The following SPATA17 variants were observed in gnomAD, a reference collection of about 807,000 sequenced individuals.
The protein encoded by SPATA17 is spermatogenesis-associated protein 17.
A neutral mutation model predicts 62.2 loss-of-function variants in SPATA17; 53 were observed. That is an observed-to-expected ratio of 0.85 (90% CI 0.68 to 1.07). SPATA17 has a LOEUF of 1.07. SPATA17 is among the 50% of genes least tolerant of loss of function. The pLI, the probability that SPATA17 is intolerant of heterozygous loss-of-function variation, is 0.00. For synonymous variants in SPATA17, 146 were observed against 146.8 expected (o/e 0.99, Z 0.04); for missense variants, 466 against 425.5 (o/e 1.10, Z -0.84).
At chr1:217,668,521 A>G (rs1449417287) in intron 3 of SPATA17, among the ~76,000 whole-genome samples, 1 of 152,204 alleles carries the variant, frequency 6.6e-6, no homozygotes, top group Non-Finnish European at 1.5e-5. Context: ...TAAGTACATA[A>G]CATTTTGCAT....
At chr1:217,791,684 C>T (rs1673997462) in intron 8 of SPATA17, among the ~76,000 whole-genome samples, 1 of 152,124 alleles carries the variant, frequency 6.6e-6, no homozygotes, top group African/African-American at 2.4e-5. Context: ...TATCATCAGA[C>T]AAGTCATAAA....
chr1:217,866,121 T>A (rs1032099229), intron 10 of SPATA17, among the ~76,000 whole-genome samples: 4 of 152,202 alleles, frequency 2.6e-5, no homozygotes, highest in Non-Finnish European at 5.9e-5. Context: ...AGAGTAATAA[T>A]TAAGCATATA....
intron 8 of SPATA17, among the ~76,000 whole-genome samples, chr1:217,791,603 T>A (rs1673995813): frequency 6.6e-6 from 1 of 152,244 alleles, no homozygotes; most frequent in South Asian, 2.1e-4. Flanking sequence ...CTTAAGATTT[T>A]AAAAATCTAT....
intron 7 of SPATA17, among the ~76,000 whole-genome samples, chr1:217,776,284 A>G (rs1571798555): frequency 6.6e-6 from 1 of 152,286 alleles, no homozygotes; most frequent in East Asian, 1.9e-4. Context: ...ATCCCAATCA[A>G]TAATTAAGCT....
chr1:217,858,708 CA>C (rs35710881), intron 9 of SPATA17, among the ~76,000 whole-genome samples: 37,855 of 151,902 alleles, frequency 0.25, 6,018 homozygotes, highest in East Asian at 0.55. Flanking sequence ...GGCGACATAG[CA>C]AGACAACTTC....
intron 8 of SPATA17, among the ~76,000 whole-genome samples, chr1:217,791,899 G>A (rs1289559630): frequency 6.6e-6 from 1 of 152,078 alleles, no homozygotes; most frequent in African/African-American, 2.4e-5. Flanking sequence ...ACTTGCCATA[G>A]AACTGAGACG....
chr1:217,722,922 A>G (rs955915231), intron 5 of SPATA17, among the ~76,000 whole-genome samples: 1 of 152,020 alleles, frequency 6.6e-6, no homozygotes, highest in Non-Finnish European at 1.5e-5. Context: ...CTCTGAGGTT[A>G]CCAGTCATTG....
intron 5 of SPATA17, among the ~76,000 whole-genome samples, chr1:217,704,518 G>T (rs1671688567): frequency 6.6e-6 from 1 of 151,710 alleles, no homozygotes; most frequent in Non-Finnish European, 1.5e-5. Context: ...CCAAAGTGCT[G>T]GGATTACAGG....
At chr1:217,807,839 G>A (rs182514402) in intron 9 of SPATA17, among the ~76,000 whole-genome samples, 5 of 152,284 alleles carry the variant, frequency 3.3e-5, no homozygotes, top group South Asian at 2.1e-4. Flanking sequence ...CTTACTATGC[G>A]TTTAACCTGT....
chr1:217,638,933 A>G (rs2102875689), intron 1 of SPATA17, among the ~76,000 whole-genome samples: 1 of 152,264 alleles, frequency 6.6e-6, no homozygotes, highest in Middle Eastern at 3.4e-3. Flanking sequence ...AATAGAAATC[A>G]TGAGTAATAA....
At chr1:217,706,354 C>T (rs1449197739) in intron 5 of SPATA17, among the ~76,000 whole-genome samples, 1 of 152,090 alleles carries the variant, frequency 6.6e-6, no homozygotes, top group Non-Finnish European at 1.5e-5. Context: ...GCTCTGTGTC[C>T]ACACCCAAAT....
Position 217,782,277 on chromosome 1 carries a change from A to C in SPATA17, c.827A>C (p.Glu276Ala), listed in dbSNP as rs763425521. The change falls in exon 8 of 11, where the codon GAG becomes GCG. Residue 276 changes from glutamate (E) to alanine (A), a missense_variant. Physicochemically the swap from Glu to Ala is moderately radical, Grantham distance 107. Coordinates refer to ENST00000366933, the MANE Select transcript of SPATA17 (RefSeq NM_138796.4). Reference protein sequence around the residue: ...EPIDELKLAREELRREEWLQN... With the variant: ...EPIDELKLARAELRREEWLQN... ...ATCGATGAGTTAAAGTTGGCCAGAG[A>C]GGAGCTCAGAAGAGAGGAATGGCTG... 1.2e-6 allele frequency: 2 copies of C among 1,612,212 alleles called. No homozygotes were observed. The highest frequency in any genetic ancestry group is 2.2e-5 in the East Asian group (1 of 44,824).
intron 5 of SPATA17, among the ~76,000 whole-genome samples, chr1:217,683,675 T>C (rs1220472537): frequency 1.3e-5 from 2 of 152,070 alleles, no homozygotes; most frequent in African/African-American, 2.4e-5. Flanking sequence ...CTCCTGACCT[T>C]GTGATCTGCC....
intron 1 of SPATA17, among the ~76,000 whole-genome samples, chr1:217,645,295 C>T (rs1226731835): frequency 6.6e-6 from 1 of 152,072 alleles, no homozygotes; most frequent in Non-Finnish European, 1.5e-5. Flanking sequence ...GATTAAAAAA[C>T]ATAAACCCAA....
chr1:217,805,353 A>G (rs894561744), intron 9 of SPATA17, among the ~76,000 whole-genome samples: 10 of 152,184 alleles, frequency 6.6e-5, no homozygotes, highest in Non-Finnish European at 7.4e-5. Context: ...ACAGAGTAGA[A>G]TGGTGGTTAC....
intron 8 of SPATA17, 140 bp downstream of exon 8, chr1:217,782,462 A>T (rs1673753371): frequency 7.7e-6 from 7 of 904,098 alleles, no homozygotes; most frequent in Middle Eastern, 3.8e-4. Context: ...CAAAGCAATA[A>T]TTTTTCAGCA....
intron 6 of SPATA17, among the ~76,000 whole-genome samples, chr1:217,744,971 C>G (rs556830318): frequency 6.6e-6 from 1 of 152,268 alleles, no homozygotes; most frequent in East Asian, 1.9e-4. Flanking sequence ...AGAATTTAAC[C>G]ACAGATAAAC....
intron 6 of SPATA17, among the ~76,000 whole-genome samples, chr1:217,760,820 T>A (rs1468343063): frequency 6.6e-6 from 1 of 152,218 alleles, no homozygotes; most frequent in Non-Finnish European, 1.5e-5. Context: ...TGAAATCATT[T>A]GGAAGTCAAA....
intron 7 of SPATA17, among the ~76,000 whole-genome samples, chr1:217,780,403 A>G (rs1241910374): frequency 6.6e-6 from 1 of 152,182 alleles, no homozygotes; most frequent in Non-Finnish European, 1.5e-5. Context: ...GTCAGGGATC[A>G]TGAAGGTGGG....
Sources: gnomAD v4.1 joint callset for allele counts (sites outside exome capture counted in the v4.1 genomes callset) on GRCh38, gnomAD v4.1.1 for gene constraint, MANE v1.5 for transcripts, NCBI Gene and HGNC (gene_info 2026-07-23, HGNC 2026-07-21) for gene names.